The following MAF variants were observed in gnomAD, a reference collection of about 807,000 sequenced individuals.
MAF encodes transcription factor Maf.
A neutral mutation model predicts 22.0 loss-of-function variants in MAF; 10 were observed. The observed-to-expected ratio is 0.45, with a 90% CI of 0.28 to 0.77. The LOEUF (loss-of-function observed/expected upper bound fraction) is 0.77, where lower values mean the gene tolerates loss of function less well. Ranked by LOEUF, MAF falls within the 30% of genes least tolerant of loss-of-function variation. The pLI is 0.12. For synonymous variants in MAF, 337 were observed against 255.8 expected, an observed-to-expected ratio of 1.32 and a Z score of -3.03; for missense variants, 544 against 548.4, an observed-to-expected ratio of 0.99 and a Z score of 0.08.
the MAF span, among the ~76,000 whole-genome samples, chr16:79,304,017 C>T: frequency 1.6e-3 from 247 of 152,274 alleles, 6 homozygotes; most frequent in South Asian, 0.048. Flanking sequence ...GGAAATAAGG[C>T]GAAAGCATAT....
chr16:79,599,852 C>G lies in MAF; in HGVS notation c.51G>C (p.Leu17=). The G allele has an allele frequency of 6.2e-7, 1 of 1,610,308 alleles. No individual in the cohort carries two copies. The highest frequency in any genetic ancestry group is 2.2e-5 in the East Asian group (1 of 44,808). ...CGAAGTCATTAACATATTCCATGGC[C>G]AGGGGACTGGTGGGCAGGTCGGAGT... is the stretch of plus-strand genomic sequence containing the variant. ...MSNSDLPTSP[L]AMEYVNDFDL... Residue 17 remains leucine, a synonymous_variant, in exon 1 of 2, where the codon CTG becomes CTC. Transcript: ENST00000326043.
chr16:79,560,197 G>C, the MAF span, among the ~76,000 whole-genome samples: 1 of 151,970 alleles, frequency 6.6e-6, no homozygotes, highest in African/African-American at 2.4e-5. Flanking sequence ...AGGTGCACCT[G>C]GGCCAGGTGC....
At chr16:79,522,105 G>T in the MAF span, among the ~76,000 whole-genome samples, 1 of 152,134 alleles carries the variant, frequency 6.6e-6, no homozygotes, top group Non-Finnish European at 1.5e-5. Context: ...ACAGCATCCT[G>T]GGGTGGACAG....
the MAF span, among the ~76,000 whole-genome samples, chr16:79,401,916 G>T: frequency 6.6e-6 from 1 of 152,156 alleles, no homozygotes; most frequent in Non-Finnish European, 1.5e-5. Context: ...CCTGCCATCA[G>T]TCAGCTCATT....
chr16:79,426,884 A>G, the MAF span, among the ~76,000 whole-genome samples: 2 of 152,252 alleles, frequency 1.3e-5, no homozygotes, highest in Non-Finnish European at 2.9e-5. Context: ...TGAAGCTGAC[A>G]TAAAAGATAG....
the MAF span, among the ~76,000 whole-genome samples, chr16:79,266,777 T>A: frequency 1.3e-5 from 2 of 152,336 alleles, no homozygotes; most frequent in South Asian, 4.1e-4. Flanking sequence ...AGACACAGGA[T>A]ACTGGGCTTG....
At chr16:79,445,559 C>G in the MAF span, among the ~76,000 whole-genome samples, 5 of 152,232 alleles carry the variant, frequency 3.3e-5, no homozygotes, top group African/African-American at 9.6e-5. Flanking sequence ...ACCCCCCAAG[C>G]TCAGGTGCCC....
the MAF span, among the ~76,000 whole-genome samples, chr16:79,248,517 C>T: frequency 6.6e-6 from 1 of 152,170 alleles, no homozygotes; most frequent in Non-Finnish European, 1.5e-5. Flanking sequence ...ATTCCCTCTG[C>T]AGAATTGTAA....
the MAF span, chr16:79,202,823 T>A: frequency 6.6e-6 from 1 of 152,144 alleles, no homozygotes; most frequent in African/African-American, 2.4e-5. Flanking sequence ...TTATTTACAG[T>A]CTACATAGGG....
chr16:79,388,249 G>A, the MAF span, among the ~76,000 whole-genome samples: 488 of 108,606 alleles, frequency 4.5e-3, 3 homozygotes, highest in African/African-American at 0.017. Flanking sequence ...GATGTGGCCC[G>A]CGGATAAATA....
the MAF span, among the ~76,000 whole-genome samples, chr16:79,498,134 A>G: frequency 8.5e-5 from 13 of 152,340 alleles, no homozygotes; most frequent in East Asian, 2.5e-3. Context: ...AGGTGTGGTC[A>G]GGCAGAGAGG....
the MAF span, among the ~76,000 whole-genome samples, chr16:79,516,546 T>A: frequency 1.3e-5 from 2 of 152,218 alleles, no homozygotes; most frequent in Non-Finnish European, 2.9e-5. Flanking sequence ...GTAGTAATAA[T>A]TAATATAATA....
At chr16:79,283,949 C>A in the MAF span, among the ~76,000 whole-genome samples, 27 of 141,890 alleles carry the variant, frequency 1.9e-4, 1 homozygote, top group Middle Eastern at 3.5e-3. Context: ...CCATAATCTA[C>A]CCCCTGCACC....
the MAF span, among the ~76,000 whole-genome samples, chr16:79,420,879 C>G: frequency 6.6e-6 from 1 of 152,072 alleles, no homozygotes; most frequent in Non-Finnish European, 1.5e-5. Context: ...ACTAAAAACA[C>G]AAAAATTATC....
the MAF span, among the ~76,000 whole-genome samples, chr16:79,342,097 G>T: frequency 1.3e-5 from 2 of 152,224 alleles, no homozygotes; most frequent in African/African-American, 4.8e-5. Context: ...TACAGTTAGA[G>T]TTAGCCCCAT....
the MAF span, among the ~76,000 whole-genome samples, chr16:79,237,245 C>T: frequency 1.3e-5 from 2 of 152,038 alleles, no homozygotes; most frequent in Non-Finnish European, 2.9e-5. Flanking sequence ...AATATCTCCC[C>T]AAGACAGGGA....
the MAF span, among the ~76,000 whole-genome samples, chr16:79,271,818 T>C: frequency 1.3e-5 from 2 of 152,222 alleles, no homozygotes; most frequent in Non-Finnish European, 2.9e-5. Context: ...AGGTACAATA[T>C]GGAGCTTGGT....
the MAF span, among the ~76,000 whole-genome samples, chr16:79,502,839 G>A: frequency 6.8e-6 from 1 of 147,978 alleles, no homozygotes; most frequent in South Asian, 2.1e-4. Context: ...AACTCTGTAG[G>A]GTGATGGAAA....
At chr16:79,434,053 G>C in the MAF span, among the ~76,000 whole-genome samples, 3 of 152,066 alleles carry the variant, frequency 2.0e-5, no homozygotes, top group Admixed American at 6.5e-5. Context: ...TGTTCTCCCC[G>C]TTGCATAGGT....
Sources: allele counts gnomAD v4.1 joint callset (sites outside exome capture counted in the v4.1 genomes callset), GRCh38; gene constraint gnomAD v4.1.1; transcripts MANE v1.5; gene names NCBI Gene and HGNC (gene_info 2026-07-23, HGNC 2026-07-21).